THSD7B: variants seen among roughly 807,000 people sequenced by gnomAD.
THSD7B encodes the protein thrombospondin type-1 domain-containing protein 7B.
In THSD7B, 138 loss-of-function variants were observed where a neutral mutation model predicts 213.6. That is an observed-to-expected ratio of 0.65 (90% CI 0.56 to 0.74). The LOEUF (loss-of-function observed/expected upper bound fraction) is 0.74. Ranked by LOEUF, THSD7B falls within the 30% of genes least tolerant of loss-of-function variation. The pLI, the probability that THSD7B is intolerant of heterozygous loss-of-function variation, is 0.00. For missense variants in THSD7B, 1,931 were observed against 1,991.5 expected, an observed-to-expected ratio of 0.97 and a Z score of 0.58; for synonymous variants, 742 against 687.0, an observed-to-expected ratio of 1.08 and a Z score of -1.25.
rs552729311 is a variant in THSD7B at position 137,374,827 on chromosome 2, G to A, written c.2501-30786G>A. Among the ~76,000 whole-genome samples the A allele has an allele frequency of 7.3e-4, 111 of 152,228 alleles. 1 individual carries two copies. The highest frequency in any genetic ancestry group is 2.4e-3 in the Admixed American group (37 of 15,278). Reference sequence around the variant, plus strand: ...AAGGGACCCAGATCATCCAGGTCCAGCTCATTCATTTTGCATATCAATACA... The same window carrying A: ...AAGGGACCCAGATCATCCAGGTCCAACTCATTCATTTTGCATATCAATACA... On this transcript the variant is annotated intron_variant, in intron 12 of 27. Coordinates refer to ENST00000409968, the MANE Select transcript of THSD7B (RefSeq NM_001316349.2).
chr2:137,384,302 T>A (rs1685844947), intron 12 of THSD7B, among the ~76,000 whole-genome samples: 1 of 152,230 alleles, frequency 6.6e-6, no homozygotes, highest in South Asian at 2.1e-4. Context: ...TCATATTTTT[T>A]AAAATGCTTC....
chr2:137,227,810 G>A (rs1176179599), intron 7 of THSD7B, among the ~76,000 whole-genome samples: 3 of 152,070 alleles, frequency 2.0e-5, no homozygotes, highest in African/African-American at 7.2e-5. Flanking sequence ...AGTAAAGCAA[G>A]TGCTTTTCAT....
intron 14 of THSD7B, among the ~76,000 whole-genome samples, chr2:137,441,264 CCAAT>C (rs1204473288): frequency 6.6e-6 from 1 of 152,004 alleles, no homozygotes; most frequent in African/African-American, 2.4e-5. Context: ...TTCCAGTGCC[CCAAT>C]CAAATTTATA....
Position 137,042,420 on chromosome 2 carries a change from A to G in THSD7B, c.140-14000A>G, listed in dbSNP as rs142214019. ...TCTCTCTCTTTTTTTTCCTCCAGGA[A>G]ACAGTTACACAGGGAAAGAAGTTTG... On this transcript the variant is annotated intron_variant, in intron 2 of 27. Transcript: ENST00000409968. Among the ~76,000 whole-genome samples, 297 of 152,302 alleles carry G rather than the reference A, an allele frequency of 2.0e-3. 2 individuals are homozygous for G. The highest frequency in any genetic ancestry group is 6.6e-3 in the African/African-American group (274 of 41,568).
intron 2 of THSD7B, among the ~76,000 whole-genome samples, chr2:136,955,985 C>T (rs528666085): frequency 4.7e-5 from 7 of 149,050 alleles, no homozygotes; most frequent in Admixed American, 2.0e-4. Flanking sequence ...GCCGAGATTG[C>T]GCCACTGCAC....
At position 136,882,028 on chromosome 2, in the gene THSD7B, C is replaced by A. The variant is rs561723889; in HGVS notation, c.-35-116C>A. On this transcript the variant is annotated intron_variant, in intron 1 of 27. Transcript: ENST00000409968. The stretch of plus-strand genomic sequence containing the variant: ...ACAGGGTTGATATTATATGTACTAT[C>A]TTCATGCTAATGAAAAACTTGCAAT... 8.6e-6 allele frequency: 6 copies of A among 698,470 alleles called. No homozygotes were observed. In the South Asian group the frequency reaches 1.5e-4, roughly 18 times the overall value. 43.3% of individuals were successfully genotyped at this position (698,470 alleles called of 1,614,324 possible).
At chr2:137,515,681 T>A (rs1374131616) in intron 15 of THSD7B, among the ~76,000 whole-genome samples, 1 of 152,226 alleles carries the variant, frequency 6.6e-6, no homozygotes, top group African/African-American at 2.4e-5. Flanking sequence ...ATTCTGCATT[T>A]TATGTTGCAG....
At chr2:137,448,824 CAACAACAACAACAAA>C (rs1373727198) in intron 14 of THSD7B, among the ~76,000 whole-genome samples, 1 of 151,032 alleles carries the variant, frequency 6.6e-6, no homozygotes, top group Non-Finnish European at 1.5e-5. Context: ...ACAACAACAA[CAACAACAACAACAAA>C]AACTACCCTT....
intron 5 of THSD7B, among the ~76,000 whole-genome samples, chr2:137,132,872 A>G (rs1688767141): frequency 6.6e-6 from 1 of 152,190 alleles, no homozygotes; most frequent in South Asian, 2.1e-4. Flanking sequence ...TTCTGTGCTT[A>G]CAGACTACAT....
chr2:137,475,680 T>C (rs537683486), intron 15 of THSD7B, among the ~76,000 whole-genome samples: 1 of 152,304 alleles, frequency 6.6e-6, no homozygotes, highest in South Asian at 2.1e-4. Context: ...ATAACATATA[T>C]GTATTGTGTA....
At chr2:137,363,150 G>A (rs569256986) in intron 12 of THSD7B, among the ~76,000 whole-genome samples, 7 of 152,220 alleles carry the variant, frequency 4.6e-5, no homozygotes, top group East Asian at 3.9e-4. Flanking sequence ...GGTAAATAAC[G>A]AAATGAAGGC....
intron 2 of THSD7B, among the ~76,000 whole-genome samples, chr2:136,923,175 G>A (rs147552791): frequency 2.0e-5 from 3 of 152,070 alleles, no homozygotes; most frequent in Non-Finnish European, 2.9e-5. Context: ...GATTTTGACC[G>A]CTTTAGCTAC....
intron 12 of THSD7B, among the ~76,000 whole-genome samples, chr2:137,309,998 T>A (rs1441229947): frequency 1.3e-5 from 2 of 151,576 alleles, no homozygotes; most frequent in Non-Finnish European, 1.5e-5. Context: ...GCAGCATGAT[T>A]TATAGTCCTT....
chr2:137,089,432 GTATA>G (rs895045907), intron 3 of THSD7B, among the ~76,000 whole-genome samples: 1 of 150,490 alleles, frequency 6.6e-6, no homozygotes, highest in Non-Finnish European at 1.5e-5. Flanking sequence ...GTATATATGT[GTATA>G]TATATGTGCG....
At chr2:137,514,138 T>C (rs1680022784) in intron 15 of THSD7B, among the ~76,000 whole-genome samples, 1 of 152,198 alleles carries the variant, frequency 6.6e-6, no homozygotes, top group Non-Finnish European at 1.5e-5. Context: ...ATATGTGATA[T>C]GGTTGTGATG....
intron 2 of THSD7B, among the ~76,000 whole-genome samples, chr2:136,931,215 T>C (rs1278403178): frequency 6.6e-6 from 1 of 152,130 alleles, no homozygotes; most frequent in Non-Finnish European, 1.5e-5. Flanking sequence ...AAGGGAAATA[T>C]GTATATACAT....
intron 17 of THSD7B, among the ~76,000 whole-genome samples, chr2:137,582,000 G>A (rs534284427): frequency 6.6e-6 from 1 of 151,922 alleles, no homozygotes; most frequent in Admixed American, 6.5e-5. Flanking sequence ...GGAGGCTGAG[G>A]CATGAGGATT....
chr2:137,410,235 A>G (rs1231421220), intron 13 of THSD7B, among the ~76,000 whole-genome samples: 7 of 152,062 alleles, frequency 4.6e-5, no homozygotes, highest in African/African-American at 2.4e-5. Flanking sequence ...AGCTGAATCT[A>G]CTACCAGCTC....
intron 17 of THSD7B, 131 bp downstream of exon 17, chr2:137,572,687 G>A: frequency 1.2e-5 from 14 of 1,134,106 alleles, no homozygotes; most frequent in South Asian, 4.5e-5. Context: ...TTCTTTTTGA[G>A]AAATCCAAAG....
Sources: allele counts gnomAD v4.1 joint callset (sites outside exome capture counted in the v4.1 genomes callset), GRCh38; gene constraint gnomAD v4.1.1; transcripts MANE v1.5; gene names NCBI Gene and HGNC (gene_info 2026-07-23, HGNC 2026-07-21).